The following GRIP1 variants were observed in gnomAD, a reference collection of about 807,000 sequenced individuals.
The protein encoded by GRIP1 is glutamate receptor interacting protein 1, also known as glutamate receptor-interacting protein 1.
A neutral mutation model predicts 129.9 loss-of-function variants in GRIP1; 45 were observed. The ratio of observed to expected loss-of-function variants is 0.35; its 90% CI spans 0.27 to 0.44. The LOEUF is 0.44. GRIP1 is among the 20% of genes least tolerant of loss of function. GRIP1 has a pLI of 1.00. For missense variants in GRIP1, 1,196 were observed against 1,396.8 expected (o/e 0.86, Z 2.29); for synonymous variants, 530 against 520.8 (o/e 1.02, Z -0.24).
chr12:66,434,151 T>C (rs1277429212), intron 13 of GRIP1, among the ~76,000 whole-genome samples: 2 of 152,346 alleles, frequency 1.3e-5, no homozygotes, highest in East Asian at 3.9e-4. Flanking sequence ...AGTGTTAAAC[T>C]GGAGAGCACA....
intron 1 of GRIP1, among the ~76,000 whole-genome samples, chr12:66,673,159 G>A (rs912983294): frequency 4.6e-5 from 7 of 152,110 alleles, no homozygotes; most frequent in African/African-American, 2.4e-5. Context: ...TCCTCCACTT[G>A]TGATCTTAGG....
intron 1 of GRIP1, among the ~76,000 whole-genome samples, chr12:66,608,944 T>TTATTATTAC (rs2064668077): frequency 7.0e-6 from 1 of 142,696 alleles, no homozygotes; most frequent in South Asian, 2.2e-4. Flanking sequence ...ATTATTATTA[T>TTATTATTAC]TATTATTATT....
rs539295056 is a variant in GRIP1 at position 66,978,601 on chromosome 12, C to T, written c.58+90449G>A. ...ATGATGCCCAGGCATCAGGCTTCTGCATTCCTTTCTTTCATTGGTCTCAGA... is the reference window on the plus strand; with the variant it reads ...ATGATGCCCAGGCATCAGGCTTCTGTATTCCTTTCTTTCATTGGTCTCAGA... On this transcript the variant is annotated intron_variant, in intron 1 of 1. Coordinates refer to the GRIP1 transcript ENST00000643019. 5.3e-5 allele frequency among the ~76,000 whole-genome samples: 8 copies of T among 152,288 alleles called. No homozygotes were observed. The South Asian group carries it at 1.7e-3, about 32-fold the overall frequency.
intron 13 of GRIP1, among the ~76,000 whole-genome samples, chr12:66,434,153 G>C (rs1021843667): frequency 2.0e-5 from 3 of 152,160 alleles, no homozygotes; most frequent in Non-Finnish European, 4.4e-5. Flanking sequence ...TGTTAAACTG[G>C]AGAGCACAAT....
intron 1 of GRIP1, among the ~76,000 whole-genome samples, chr12:66,623,404 T>C (rs957464211): frequency 7.9e-5 from 12 of 152,184 alleles, no homozygotes; most frequent in Non-Finnish European, 4.4e-5. Flanking sequence ...CATTGTCACA[T>C]AGCTGCTAAC....
At chr12:66,650,094 A>T (rs1420110672) in intron 1 of GRIP1, among the ~76,000 whole-genome samples, 3 of 152,182 alleles carry the variant, frequency 2.0e-5, no homozygotes, top group Non-Finnish European at 4.4e-5. Context: ...TGAAGCCAGC[A>T]CCGTCTCCAC....
chr12:66,915,648 C>T (rs566725349), intron 1 of GRIP1, among the ~76,000 whole-genome samples: 2 of 152,302 alleles, frequency 1.3e-5, no homozygotes, highest in African/African-American at 4.8e-5. Context: ...GCATGTGAGG[C>T]TATCTGTTGA....
chr12:66,447,096 C>A (rs1235254795), intron 11 of GRIP1, among the ~76,000 whole-genome samples: 1 of 152,150 alleles, frequency 6.6e-6, no homozygotes, highest in Non-Finnish European at 1.5e-5. Context: ...AATGGGAGAC[C>A]CCTGAGGTTT....
intron 1 of GRIP1, among the ~76,000 whole-genome samples, chr12:66,916,852 G>A (rs1471817100): frequency 6.6e-6 from 1 of 152,062 alleles, no homozygotes; most frequent in Non-Finnish European, 1.5e-5. Flanking sequence ...CCTACCTAGA[G>A]GCCTGATATT....
intron 1 of GRIP1, among the ~76,000 whole-genome samples, chr12:66,752,655 G>A (rs190874636): frequency 6.6e-6 from 1 of 152,184 alleles, no homozygotes; most frequent in East Asian, 1.9e-4. Flanking sequence ...ACAGTACCAT[G>A]GGCCAGAGAC....
chr12:66,787,662 G>A (rs1459202446), intron 1 of GRIP1, among the ~76,000 whole-genome samples: 3 of 152,048 alleles, frequency 2.0e-5, no homozygotes, highest in Non-Finnish European at 4.4e-5. Flanking sequence ...ACAGCTAGAA[G>A]GCACCATCTA....
At chr12:66,729,987 C>T (rs1565992087) in intron 1 of GRIP1, among the ~76,000 whole-genome samples, 1 of 152,140 alleles carries the variant, frequency 6.6e-6, no homozygotes, top group African/African-American at 2.4e-5. Flanking sequence ...TAGAAAATTA[C>T]ATATTTGTCT....
At chr12:66,654,101 G>A (rs1179590150) in intron 1 of GRIP1, among the ~76,000 whole-genome samples, 1 of 152,126 alleles carries the variant, frequency 6.6e-6, no homozygotes, top group East Asian at 1.9e-4. Context: ...AAAGAACAAA[G>A]CTATCAGGCA....
In GRIP1 at chr12:66,379,397, T is replaced by C. The variant is rs1034693677; in HGVS notation, c.2504A>G (p.Tyr835Cys). ...TCTCTGTTTTGGACTCCTCCAGTCA[T>C]AGGTGTTGAAATTGTATCCTGAGGC... Reference protein sequence around the residue: ...FQASGYNFNTYDWRSPKQRGS... With the variant: ...FQASGYNFNTCDWRSPKQRGS... The change falls in exon 20 of 25, where the codon TAT becomes TGT. Residue 835 changes from tyrosine (Y) to cysteine (C), a missense_variant. Coordinates refer to ENST00000359742, the MANE Select transcript of GRIP1 (RefSeq NM_001366722.1). 1.9e-6 allele frequency: 3 copies of C among 1,614,134 alleles called. No individual in the cohort carries two copies. The highest frequency in any genetic ancestry group is 2.5e-6 in the Non-Finnish European group (3 of 1,179,980).
chr12:66,816,061 A>G (rs2039213109), intron 1 of GRIP1, among the ~76,000 whole-genome samples: 1 of 152,238 alleles, frequency 6.6e-6, no homozygotes, highest in African/African-American at 2.4e-5. Flanking sequence ...AGGAAGAGAA[A>G]AAATAGTAAA....
intron 1 of GRIP1, among the ~76,000 whole-genome samples, chr12:67,001,434 C>T (rs912513756): frequency 6.6e-6 from 1 of 152,202 alleles, no homozygotes; most frequent in Admixed American, 6.5e-5. Flanking sequence ...GGTTACAGAA[C>T]ATTTATCAGT....
chr12:67,009,043 C>G (rs2042667567), intron 1 of GRIP1, among the ~76,000 whole-genome samples: 2 of 152,128 alleles, frequency 1.3e-5, no homozygotes, highest in African/African-American at 4.8e-5. Context: ...GCAATTGAGA[C>G]ACTGGAGTTT....
chr12:66,858,280 TTA>T (rs919758076), intron 1 of GRIP1, among the ~76,000 whole-genome samples: 1 of 151,828 alleles, frequency 6.6e-6, no homozygotes, highest in African/African-American at 2.4e-5. Flanking sequence ...GTATAGAAAA[TTA>T]TATATATAAT....
In GRIP1 at chr12:66,723,315, T is replaced by C. The variant is rs1368451848; in HGVS notation, c.-420+80738A>G. Among the ~76,000 whole-genome samples the C allele has an allele frequency of 4.0e-4, 37 of 92,638 alleles. 2 individuals are homozygous for C. The highest frequency in any genetic ancestry group is 2.4e-3 in the East Asian group (8 of 3,356). The allele number at this position is 92,638 out of a possible 152,430, so 60.8% of individuals were successfully genotyped here. A position where few individuals can be genotyped will look rare whatever the true frequency, so the allele number is the denominator to read the frequency against. ...TTCTTTCTTTCTTTCTTTTTTTTTTTTTTTTTTTTTTTTTTGAGACAGAGT... is the reference window on the plus strand; with the variant it reads ...TTCTTTCTTTCTTTCTTTTTTTTTTCTTTTTTTTTTTTTTTGAGACAGAGT... On this transcript the variant is annotated intron_variant, in intron 1 of 4. Coordinates refer to the GRIP1 transcript ENST00000538373.
Sources: allele counts gnomAD v4.1 joint callset (sites outside exome capture counted in the v4.1 genomes callset), GRCh38; gene constraint gnomAD v4.1.1; transcripts MANE v1.5; gene names NCBI Gene and HGNC (gene_info 2026-07-23, HGNC 2026-07-21).